The following REV3L variants were observed in gnomAD, a reference collection of about 807,000 sequenced individuals.
REV3L encodes the protein DNA polymerase zeta catalytic subunit.
A neutral mutation model predicts 299.4 loss-of-function variants in REV3L; 69 were observed. The ratio of observed to expected loss-of-function variants is 0.23; its 90% CI spans 0.19 to 0.28. The LOEUF (loss-of-function observed/expected upper bound fraction) is 0.28, where lower values mean the gene tolerates loss of function less well. REV3L is among the 10% of genes least tolerant of loss of function. The pLI, the probability that REV3L is intolerant of heterozygous loss-of-function variation, is 1.00. For synonymous variants in REV3L, 1,238 were observed against 1,271.4 expected, an observed-to-expected ratio of 0.97 and a Z score of 0.56; for missense variants, 3,128 against 3,693.8, an observed-to-expected ratio of 0.85 and a Z score of 3.97.
At chr6:111,356,673 A>G (rs961737691) in intron 18 of REV3L, 5 of 156,068 alleles carry the variant, frequency 3.2e-5, no homozygotes, top group Non-Finnish European at 4.2e-5. Flanking sequence ...GTTAATGAAT[A>G]ATACAATGGA....
At chr6:111,425,755 A>G (rs979140808) in intron 1 of REV3L, among the ~76,000 whole-genome samples, 2 of 152,268 alleles carry the variant, frequency 1.3e-5, no homozygotes, top group South Asian at 2.1e-4. Flanking sequence ...TAAGCCAGCT[A>G]TTTCAAAAAA....
Position 111,374,975 on chromosome 6 carries a change from C to T in REV3L, c.3380G>A (p.Arg1127His). 5.6e-6 allele frequency: 9 copies of T among 1,612,340 alleles called. No homozygotes were observed. The highest frequency in any genetic ancestry group is 1.3e-5 in the African/African-American group (1 of 74,918). Residue 1127 changes from arginine to histidine, a missense_variant, in exon 13 of 32, where the codon CGC becomes CAC. Physicochemically the swap from Arg to His is conservative, Grantham distance 29 (BLOSUM62 0). This residue lies in a region of REV3L where 2,409 missense variants were observed against 2,611.8 expected (regional missense o/e 0.92). Coordinates refer to ENST00000368802, the MANE Select transcript of REV3L (RefSeq NM_001372078.1). ...STSPINSSPP[R>H]CWSPTDPRAE... ...TCTTGGATCTGTGGGAGACCAGCAGCGAGGTGGAGAAGAATTTATGGGACT... is the reference window on the plus strand; with the variant it reads ...TCTTGGATCTGTGGGAGACCAGCAGTGAGGTGGAGAAGAATTTATGGGACT...
At chr6:111,410,973 TGA>T (rs1009741596) in intron 3 of REV3L, among the ~76,000 whole-genome samples, 3 of 151,986 alleles carry the variant, frequency 2.0e-5, no homozygotes, top group African/African-American at 7.3e-5. Flanking sequence ...CCAGGATGAT[TGA>T]GAGGATAAGC....
chr6:111,404,842 A>G (rs1377460369), intron 4 of REV3L, among the ~76,000 whole-genome samples: 1 of 152,238 alleles, frequency 6.6e-6, no homozygotes, highest in Admixed American at 6.5e-5. Flanking sequence ...TTTTCAGGTC[A>G]TGTCACACAA....
chr6:111,354,483 G>T (rs1247444887), intron 18 of REV3L, among the ~76,000 whole-genome samples: 2 of 152,090 alleles, frequency 1.3e-5, no homozygotes, highest in Non-Finnish European at 2.9e-5. Context: ...CCCTTTAGAA[G>T]AATTGTAAAG....
intron 26 of REV3L, among the ~76,000 whole-genome samples, chr6:111,319,119 A>AATTCCAT (rs1773852497): frequency 6.6e-6 from 1 of 152,182 alleles, no homozygotes; most frequent in African/African-American, 2.4e-5. Context: ...TAAAAATTAT[A>AATTCCAT]ATTCCATAAA....
rs770452846 is a variant in REV3L, at chr6:111,363,992, C to A, written c.6754-14G>T. On this transcript the variant is annotated splice_polypyrimidine_tract_variant and intron_variant, in intron 15 of 31. Transcript: ENST00000368802. ...TGCAAATTGATTCTATAAAAAAAAACACACACACACACAGCCAGAAAAAGA... is the reference window on the plus strand; with the variant it reads ...TGCAAATTGATTCTATAAAAAAAAAAACACACACACACAGCCAGAAAAAGA... 59 of 1,432,196 alleles carry A rather than the reference C, an allele frequency of 4.1e-5. No individual in the cohort carries two copies. Among genetic ancestry groups the A allele is most frequent in the South Asian group, 2.9e-4 (21 of 71,654 alleles). 88.7% of individuals were successfully genotyped at this position (1,432,196 alleles called of 1,614,324 possible).
intron 1 of REV3L, among the ~76,000 whole-genome samples, chr6:111,452,555 G>C (rs138205572): frequency 1.2e-3 from 190 of 152,210 alleles, no homozygotes; most frequent in African/African-American, 4.3e-3. Context: ...GTAACACATG[G>C]TTCCATTTAT....
chr6:111,482,815 G>T lies in REV3L; in HGVS notation c.74C>A (p.Ser25Tyr). 2.0e-6 allele frequency: 3 copies of T among 1,508,422 alleles called. No homozygotes were observed. Among genetic ancestry groups the T allele is most frequent in the Non-Finnish European group, 2.6e-6 (3 of 1,133,182 alleles). 93.4% of individuals were successfully genotyped at this position (1,508,422 alleles called of 1,614,324 possible). A position where few individuals can be genotyped will look rare whatever the true frequency, so the allele number is the denominator to read the frequency against. The change falls in exon 1 of 32, where the codon TCC becomes TAC. Residue 25 changes from serine (S) to tyrosine (Y), a missense_variant. By Grantham distance (144) the Ser-to-Tyr change is moderately radical (BLOSUM62 -2). This residue lies in a region of REV3L where 48 missense variants were observed against 42.8 expected (regional missense o/e 1.12). Coordinates refer to ENST00000368802, the MANE Select transcript of REV3L (RefSeq NM_001372078.1). The part of the protein sequence containing the change: ...SPLQGLDTCQ[S>Y]PLTQAPVKKV... Reference sequence around the variant, plus strand: ...CTTGACAGGGGCCTGGGTGAGGGGGGATTGGCAGGTATCCAGCCCCTGCAG... The same window carrying T: ...CTTGACAGGGGCCTGGGTGAGGGGGTATTGGCAGGTATCCAGCCCCTGCAG...
intron 1 of REV3L, among the ~76,000 whole-genome samples, chr6:111,459,770 G>T (rs1790546243): frequency 6.6e-6 from 1 of 152,078 alleles, no homozygotes; most frequent in Non-Finnish European, 1.5e-5. Flanking sequence ...ATAAATAACA[G>T]ATCTCAGTGG....
At chr6:111,459,448 T>A (rs1186998768) in intron 1 of REV3L, among the ~76,000 whole-genome samples, 1 of 152,034 alleles carries the variant, frequency 6.6e-6, no homozygotes, top group African/African-American at 2.4e-5. Flanking sequence ...TAAGAGCTTC[T>A]ATACAGCAAG....
In REV3L at chr6:111,430,805, A is replaced by G. The variant is rs1786816465; in HGVS notation, c.140-14333T>C. 12 of 1,608,638 alleles carry G rather than the reference A, an allele frequency of 7.5e-6. 2 individuals carry two copies. The Middle Eastern group carries it at 9.0e-4, about 121-fold the overall frequency. On this transcript the variant is annotated intron_variant, in intron 1 of 31. Transcript: ENST00000368802. ...CCGCATCGTGAAGGAATCTGGAGGAAAGCTGACCAGGCGGCTTGTGAACAG... is the reference window on the plus strand; with the variant it reads ...CCGCATCGTGAAGGAATCTGGAGGAGAGCTGACCAGGCGGCTTGTGAACAG...
At chr6:111,467,230 C>G (rs908084099) in intron 1 of REV3L, among the ~76,000 whole-genome samples, 2 of 152,130 alleles carry the variant, frequency 1.3e-5, no homozygotes, top group Admixed American at 6.5e-5. Context: ...CCTTTTTATA[C>G]AAAAGTCAAG....
chr6:111,376,527 G>T lies in REV3L; in HGVS notation c.1828C>A (p.Leu610Ile). 6.2e-7 allele frequency: 1 copy of T among 1,612,350 alleles called. No individual in the cohort carries two copies. The highest frequency in any genetic ancestry group is 1.1e-5 in the South Asian group (1 of 90,604). ...SQTNKNTEKG[L>I]DNSVTSFTNE... ...GTAAAAGAAGTGACTGAGTTATCTAGACCTTTTTCTGTATTTTTGTTTGTC... is the reference window on the plus strand; with the variant it reads ...GTAAAAGAAGTGACTGAGTTATCTATACCTTTTTCTGTATTTTTGTTTGTC... Residue 610 changes from leucine (L) to isoleucine (I), a missense_variant, in exon 13 of 32, where the codon CTA becomes ATA. Leu to Ile is a conservative substitution (Grantham distance 5). Around this residue, in one of 9 missense-constraint regions of REV3L, gnomAD observed 2,409 missense variants for 2,611.8 expected, o/e 0.92. Coordinates refer to ENST00000368802, the MANE Select transcript of REV3L (RefSeq NM_001372078.1).
At chr6:111,334,810 C>T (rs1246384635) in intron 22 of REV3L, among the ~76,000 whole-genome samples, 1 of 152,078 alleles carries the variant, frequency 6.6e-6, no homozygotes, top group Non-Finnish European at 1.5e-5. Context: ...ATTTACTGAA[C>T]TGGTTGATTA....
intron 1 of REV3L, among the ~76,000 whole-genome samples, chr6:111,419,310 G>C (rs560780173): frequency 6.6e-6 from 1 of 152,036 alleles, no homozygotes; most frequent in South Asian, 2.1e-4. Context: ...AAAGAAACAG[G>C]ATAAAATAAA....
At chr6:111,482,729 C>T in intron 1 of REV3L, 21 bp downstream of exon 1, 11 of 1,333,104 alleles carry the variant, frequency 8.3e-6, no homozygotes, top group Non-Finnish European at 1.1e-5. Flanking sequence ...CGCTCCCGCC[C>T]CGCGCCCGGC....
chr6:111,460,301 TA>T (rs1169337524), intron 1 of REV3L: 1 of 152,076 alleles, frequency 6.6e-6, no homozygotes, highest in Non-Finnish European at 1.5e-5. Context: ...AAAAACTACC[TA>T]TTGAGTACTA....
In REV3L at chr6:111,329,643, G is replaced by A. The variant is rs1298317484; in HGVS notation, c.8130C>T (p.Asp2710=). 2 of 1,613,960 alleles carry A rather than the reference G, an allele frequency of 1.2e-6. No homozygotes were observed. The highest frequency in any genetic ancestry group is 1.7e-5 in the Admixed American group (1 of 59,998). Reference sequence around the variant, plus strand: ...CATCAAGCATTCGTGACAGGGCTCTGTCTTGCTTGTAAGCCTTCATTGACT... The same window carrying A: ...CATCAAGCATTCGTGACAGGGCTCTATCTTGCTTGTAAGCCTTCATTGACT... ...VKQSMKAYKQ[D]RALSRMLDAR... Residue 2710 remains aspartate (D), a synonymous_variant, in exon 25 of 32, where the codon GAC becomes GAT. Transcript: ENST00000368802.
Sources: allele counts gnomAD v4.1 joint callset (sites outside exome capture counted in the v4.1 genomes callset), GRCh38; gene constraint gnomAD v4.1.1; regional missense constraint gnomAD v4.1.1; transcripts MANE v1.5; gene names NCBI Gene and HGNC (gene_info 2026-07-23, HGNC 2026-07-21).